The following RBFOX3 variants were observed in gnomAD, a reference collection of about 807,000 sequenced individuals.
RBFOX3 encodes the protein RNA binding fox-1 homolog 3, also known as RNA binding protein fox-1 homolog 3.
In RBFOX3, 17 loss-of-function variants were observed where a neutral mutation model predicts 48.7. The ratio of observed to expected loss-of-function variants is 0.35; its 90% CI spans 0.24 to 0.52. RBFOX3 has a LOEUF of 0.52. Ranked by LOEUF, RBFOX3 falls within the 20% of genes least tolerant of loss-of-function variation. The pLI is 0.94. For synonymous variants in RBFOX3, 212 were observed against 209.5 expected, an observed-to-expected ratio of 1.01 and a Z score of -0.10; for missense variants, 382 against 497.5, an observed-to-expected ratio of 0.77 and a Z score of 2.21.
chr17:79,467,234 T>C (rs2076436240), intron 2 of RBFOX3, among the ~76,000 whole-genome samples: 1 of 151,974 alleles, frequency 6.6e-6, no homozygotes, highest in African/African-American at 2.4e-5. Flanking sequence ...CTGCTTCCCA[T>C]GGAAACCTCT....
intron 2 of RBFOX3, among the ~76,000 whole-genome samples, chr17:79,439,513 C>T (rs896682385): frequency 6.6e-6 from 1 of 152,212 alleles, no homozygotes; most frequent in African/African-American, 2.4e-5. Flanking sequence ...TGAGAAGTTT[C>T]CAGGAGGTCT....
intron 4 of RBFOX3, among the ~76,000 whole-genome samples, chr17:79,170,852 C>T (rs955551112): frequency 6.6e-6 from 1 of 152,214 alleles, no homozygotes; most frequent in African/African-American, 2.4e-5. Flanking sequence ...CTCACTCCCT[C>T]GCACCCCGGG....
intron 4 of RBFOX3, among the ~76,000 whole-genome samples, chr17:79,137,105 C>T (rs1271243770): frequency 6.6e-6 from 1 of 152,172 alleles, no homozygotes; most frequent in Non-Finnish European, 1.5e-5. Flanking sequence ...GGGTTCTGAA[C>T]CCCAGCGGGG....
chr17:79,484,669 G>A (rs2079297723), intron 1 of RBFOX3, among the ~76,000 whole-genome samples: 2 of 152,168 alleles, frequency 1.3e-5, no homozygotes, highest in Non-Finnish European at 2.9e-5. Flanking sequence ...GCTCCAGGAA[G>A]GGGCTGGCCT....
intron 3 of RBFOX3, among the ~76,000 whole-genome samples, chr17:79,276,909 G>T (rs1238303876): frequency 6.6e-6 from 1 of 152,146 alleles, no homozygotes; most frequent in African/African-American, 2.4e-5. Flanking sequence ...AGGACTCAGG[G>T]CTGGTACAGG....
At chr17:79,572,863 G>A (rs905989396) in intron 1 of RBFOX3, among the ~76,000 whole-genome samples, 8 of 152,050 alleles carry the variant, frequency 5.3e-5, no homozygotes, top group Non-Finnish European at 1.0e-4. Flanking sequence ...GGTGCCTTCC[G>A]GATTCCCCAC....
the RBFOX3 span, among the ~76,000 whole-genome samples, chr17:79,647,382 T>C: frequency 4.6e-5 from 7 of 152,166 alleles, no homozygotes; most frequent in South Asian, 6.2e-4. Context: ...GCGAGGTCTC[T>C]GCACAGGAAA....
At chr17:79,571,707 G>C (rs944109284) in intron 1 of RBFOX3, among the ~76,000 whole-genome samples, 42 of 152,094 alleles carry the variant, frequency 2.8e-4, no homozygotes, top group African/African-American at 9.4e-4. Context: ...CAAGGGTGGT[G>C]GGTCAGGACG....
At position 79,471,314 on chromosome 17, in the gene RBFOX3, G is replaced by C. The variant is rs2077033674; in HGVS notation, c.-175+11140C>G. 6.6e-6 allele frequency among the ~76,000 whole-genome samples: 1 copy of C among 152,156 alleles called. No individual in the cohort carries two copies. Among genetic ancestry groups the C allele is most frequent in the Non-Finnish European group, 1.5e-5 (1 of 68,034 alleles). On this transcript the variant is annotated intron_variant, in intron 2 of 14. Coordinates refer to ENST00000693108, the MANE Select transcript of RBFOX3 (RefSeq NM_001350451.2). The surrounding 1 kb of genome is among the most constrained non-coding windows in gnomAD (Gnocchi z 4.0). ...GCTTGGGGTATTCGCAGGGAAATGAGGGCAAAGCATTTTGCAAAGAGCGTG... is the reference window on the plus strand; with the variant it reads ...GCTTGGGGTATTCGCAGGGAAATGACGGCAAAGCATTTTGCAAAGAGCGTG...
chr17:79,140,249 G>A (rs979501403), intron 4 of RBFOX3, among the ~76,000 whole-genome samples: 1 of 152,250 alleles, frequency 6.6e-6, no homozygotes, highest in Non-Finnish European at 1.5e-5. Flanking sequence ...TAGTGGCTAT[G>A]GGCAAGTCAC....
intron 3 of RBFOX3, among the ~76,000 whole-genome samples, chr17:79,264,972 G>T (rs557385350): frequency 2.8e-4 from 43 of 152,102 alleles, no homozygotes; most frequent in Non-Finnish European, 4.7e-4. Context: ...AGGAGGGGGG[G>T]GGGGCGCAGA....
intron 4 of RBFOX3, among the ~76,000 whole-genome samples, chr17:79,121,332 A>G (rs2035688230): frequency 6.6e-6 from 1 of 152,140 alleles, no homozygotes; most frequent in Non-Finnish European, 1.5e-5. Context: ...GACAGGCTGC[A>G]GTCTCTCCCG....
At chr17:79,412,558 G>A (rs1316417497) in intron 2 of RBFOX3, among the ~76,000 whole-genome samples, 2 of 150,862 alleles carry the variant, frequency 1.3e-5, no homozygotes, top group Non-Finnish European at 2.9e-5. Context: ...TGATATGTGT[G>A]TGCTGTGTGG....
chr17:79,345,579 A>G (rs1006032727), intron 2 of RBFOX3, among the ~76,000 whole-genome samples: 3 of 152,162 alleles, frequency 2.0e-5, no homozygotes, highest in African/African-American at 7.2e-5. Flanking sequence ...AGTGAGGTTA[A>G]ACATCTCTTT....
intron 2 of RBFOX3, among the ~76,000 whole-genome samples, chr17:79,426,580 G>C (rs1425840156): frequency 1.3e-5 from 2 of 152,168 alleles, no homozygotes. Context: ...TGAAGCCTCG[G>C]TGTGAACCCC....
At chr17:79,425,403 C>A (rs1397018712) in intron 2 of RBFOX3, among the ~76,000 whole-genome samples, 5 of 152,128 alleles carry the variant, frequency 3.3e-5, no homozygotes, top group Non-Finnish European at 7.4e-5. Flanking sequence ...AGCAGGGAGT[C>A]AACCCCCTGG....
chr17:79,593,578 C>T (rs2093483502), intron 1 of RBFOX3, among the ~76,000 whole-genome samples: 1 of 152,192 alleles, frequency 6.6e-6, no homozygotes, highest in African/African-American at 2.4e-5. Context: ...AGGGAGGAAT[C>T]CTTTCTTAAT....
chr17:79,337,447 T>C (rs1210312229), intron 2 of RBFOX3, among the ~76,000 whole-genome samples: 1 of 152,114 alleles, frequency 6.6e-6, no homozygotes, highest in East Asian at 1.9e-4. Context: ...GGCACATGCG[T>C]GTACAAGAAG....
At chr17:79,343,850 G>A (rs2146752166) in intron 2 of RBFOX3, among the ~76,000 whole-genome samples, 1 of 152,246 alleles carries the variant, frequency 6.6e-6, no homozygotes, top group Middle Eastern at 3.4e-3. Flanking sequence ...TCACTCAGAG[G>A]AATCACGGGG....
Sources: gnomAD v4.1 joint callset for allele counts (sites outside exome capture counted in the v4.1 genomes callset) on GRCh38, gnomAD v4.1.1 for gene constraint, Gnocchi (gnomAD v3.1) non-coding constraint, MANE v1.5 for transcripts, NCBI Gene and HGNC (gene_info 2026-07-23, HGNC 2026-07-21) for gene names.